Variants in EXTL3 observed in about 807,000 individuals in gnomAD.
EXTL3 encodes exostosin-like 3.
Under a neutral mutation model 69.3 loss-of-function variants are expected in EXTL3, and 27 were observed. The ratio of observed to expected loss-of-function variants is 0.39; its 90% confidence interval spans 0.29 to 0.54. The LOEUF (loss-of-function observed/expected upper bound fraction) is 0.54, where lower values mean the gene tolerates loss of function less well. Among genes scored for constraint, EXTL3 ranks in the 20% least tolerant of loss-of-function variants. EXTL3 has a pLI of 0.69. For missense variants in EXTL3, 1,003 were observed against 1,231.8 expected (o/e 0.81, Z 2.78); for synonymous variants, 511 against 499.4 (o/e 1.02, Z -0.31).
intron 1 of EXTL3, among the ~76,000 whole-genome samples, chr8:28,695,975 T>C (rs531177718): frequency 3.5e-4 from 53 of 152,294 alleles, no homozygotes. Context: ...TGGAGTGCAG[T>C]GGTGCGATCA....
intron 1 of EXTL3, among the ~76,000 whole-genome samples, chr8:28,684,961 T>A (rs962174506): frequency 7.2e-5 from 11 of 152,176 alleles, no homozygotes; most frequent in African/African-American, 2.2e-4. Context: ...ATGTTGTGTT[T>A]TTTTTTCTGA....
chr8:28,688,100 C>T (rs1800555739), intron 1 of EXTL3, among the ~76,000 whole-genome samples: 1 of 138,190 alleles, frequency 7.2e-6, no homozygotes, highest in Non-Finnish European at 1.5e-5. Flanking sequence ...TCGCTTTTGT[C>T]ACCCAGGCTG....
intron 1 of EXTL3, among the ~76,000 whole-genome samples, chr8:28,667,125 G>A (rs1254134933): frequency 6.6e-6 from 1 of 152,198 alleles, no homozygotes; most frequent in African/African-American, 2.4e-5. Context: ...TTACCTGTCA[G>A]AGAAAAATTG....
At chr8:28,619,710 C>A (rs1016789649), upstream of EXTL3, among the ~76,000 whole-genome samples, 5 of 152,120 alleles carry the variant, frequency 3.3e-5, no homozygotes, top group African/African-American at 1.2e-4. Flanking sequence ...TCAGTGACCT[C>A]ATGTCAGGAG....
At chr8:28,682,391 T>G (rs1184065313) in intron 1 of EXTL3, among the ~76,000 whole-genome samples, 1 of 152,194 alleles carries the variant, frequency 6.6e-6, no homozygotes. Flanking sequence ...TCCCATTCTG[T>G]AGGTTGTCTC....
In EXTL3 at chr8:28,671,314, T is replaced by G. The variant is rs7845739; in HGVS notation, c.-52-42143T>G. ...ATTTTTATGTTTTGTTTTTTGTTTT[T>G]TTTTTTTTTTTTTTTGAGACCGACT... On this transcript the variant is annotated intron_variant, in intron 1 of 6. Coordinates refer to the EXTL3 transcript ENST00000523149. Among the ~76,000 whole-genome samples the G allele has an allele frequency of 2.4e-3, 347 of 143,536 alleles. 2 individuals are homozygous for G. Among genetic ancestry groups the G allele is most frequent in the African/African-American group, 7.9e-3 (300 of 37,910 alleles). 94.2% of individuals were successfully genotyped at this position (143,536 alleles called of 152,430 possible).
rs749395423 is a variant in EXTL3, at chr8:28,671,309, GTTTTTTT to G, written c.-52-42134_-52-42128del. Among the ~76,000 whole-genome samples the G allele has an allele frequency of 6.9e-4, 62 of 89,638 alleles. No homozygotes were observed. The East Asian group carries it at 0.019, about 27-fold the overall frequency. 58.8% of individuals were successfully genotyped at this position (89,638 alleles called of 152,430 possible). A position where few individuals can be genotyped will look rare whatever the true frequency, so the allele number is the denominator to read the frequency against. On this transcript the variant is annotated intron_variant, in intron 1 of 6. Transcript: ENST00000523149. Reference sequence around the variant, plus strand: ...ATTTTATTTTTATGTTTTGTTTTTTGTTTTTTTTTTTTTTTTTTTTGAGACCGACTCT... The same window carrying G: ...ATTTTATTTTTATGTTTTGTTTTTTGTTTTTTTTTTTTTGAGACCGACTCT...
intron 1 of EXTL3, among the ~76,000 whole-genome samples, chr8:28,624,716 A>G (rs1806465997): frequency 1.3e-5 from 2 of 152,194 alleles, no homozygotes; most frequent in South Asian, 2.1e-4. Flanking sequence ...CTAGTTATTA[A>G]TAGTCACCGA....
intron 1 of EXTL3, among the ~76,000 whole-genome samples, chr8:28,661,653 G>A (rs1807117159): frequency 6.6e-6 from 1 of 151,854 alleles, no homozygotes; most frequent in Non-Finnish European, 1.5e-5. Context: ...GCCGAGGTGG[G>A]TGGATCATTT....
chr8:28,660,416 G>A (rs991107449), intron 1 of EXTL3, among the ~76,000 whole-genome samples: 1 of 151,298 alleles, frequency 6.6e-6, no homozygotes, highest in African/African-American at 2.4e-5. Context: ...GTGTATGTAC[G>A]TTAAGCTCTC....
chr8:28,692,340 G>C (rs1204268288), intron 1 of EXTL3, among the ~76,000 whole-genome samples: 1 of 152,142 alleles, frequency 6.6e-6, no homozygotes, highest in Non-Finnish European at 1.5e-5. Flanking sequence ...TTGGGGAAGG[G>C]ATCAATTATT....
chr8:28,752,941 C>T lies in EXTL3; in HGVS notation c.*2075C>T, dbSNP rs1802040468. 2 of 152,868 alleles carry T rather than the reference C, an allele frequency of 1.3e-5. No individual in the cohort carries two copies. The highest frequency in any genetic ancestry group is 2.9e-5 in the Non-Finnish European group (2 of 68,312). The allele number at this position is 152,868 out of a possible 1,614,324, so 9.5% of individuals were successfully genotyped here. On this transcript the variant is annotated 3_prime_UTR_variant, in exon 7 of 7. Transcript: ENST00000220562. ...TGGTGGGACCCCCTTTAGCGGGACT[C>T]AGTGAGCTGGGGCCGTCTGTGTGGT...
At position 28,713,595 on chromosome 8, in the gene EXTL3, T is replaced by A; in HGVS notation, c.-476+45T>A. 3 of 692,034 alleles carry A rather than the reference T, an allele frequency of 4.3e-6. No homozygotes were observed. The Admixed American group carries it at 6.4e-5, about 15-fold the overall frequency. 42.9% of individuals were successfully genotyped at this position (692,034 alleles called of 1,614,324 possible). On this transcript the variant is annotated intron_variant, in intron 2 of 6. Coordinates refer to ENST00000220562, the MANE Select transcript of EXTL3 (RefSeq NM_001440.4). ...GCTGGATTGCTGTGATTACGCCTTC[T>A]TTTCTTTTTCTTCCATTCTGTTGTT...
chr8:28,692,606 ATAAT>A (rs1425907261), intron 1 of EXTL3, among the ~76,000 whole-genome samples: 5 of 152,218 alleles, frequency 3.3e-5, no homozygotes, highest in Non-Finnish European at 7.3e-5. Flanking sequence ...AGTATTTAGC[ATAAT>A]TAGTTTTGGA....
chr8:28,667,184 A>G (rs759766779), intron 1 of EXTL3, among the ~76,000 whole-genome samples: 10 of 152,248 alleles, frequency 6.6e-5, no homozygotes, highest in Non-Finnish European at 1.2e-4. Flanking sequence ...AGACTATTGC[A>G]TTGGGGGTCA....
chr8:28,614,022 A>G (rs1279609768), intron 2 of EXTL3, among the ~76,000 whole-genome samples: 3 of 151,800 alleles, frequency 2.0e-5, no homozygotes, highest in African/African-American at 7.2e-5. Context: ...ATGGGGTCTC[A>G]TGAAACGTCA....
rs368087455 is a variant in EXTL3 at position 28,633,621 on chromosome 8, G to A, written c.-53+10811G>A. Among the ~76,000 whole-genome samples the A allele has an allele frequency of 5.4e-3, 820 of 152,108 alleles. 6 individuals are homozygous for A. Among genetic ancestry groups the A allele is most frequent in the African/African-American group, 0.019 (777 of 41,480 alleles). ...TGCAGTCCAGCCTGGGTGACAGAGC[G>A]AGACTCTGTTTCAAAAATAATAATA... On this transcript the variant is annotated intron_variant, in intron 1 of 6. Transcript: ENST00000523149.
chr8:28,678,524 C>A (rs913993474), intron 1 of EXTL3, among the ~76,000 whole-genome samples: 1 of 152,102 alleles, frequency 6.6e-6, no homozygotes, highest in Non-Finnish European at 1.5e-5. Flanking sequence ...CTTTTTCTCT[C>A]TCCATGTGAT....
At chr8:28,740,541 C>T (rs985064144) in intron 5 of EXTL3, 2 of 152,246 alleles carry the variant, frequency 1.3e-5, no homozygotes, top group Admixed American at 6.5e-5. Flanking sequence ...TTTGGCCTCC[C>T]AAAGTGTTGG....
Sources: gnomAD v4.1 joint callset for allele counts (sites outside exome capture counted in the v4.1 genomes callset) on GRCh38, gnomAD v4.1.1 for gene constraint, MANE v1.5 for transcripts, NCBI Gene and HGNC (gene_info 2026-07-23, HGNC 2026-07-21) for gene names.